TPM4: variants seen among roughly 807,000 people sequenced by gnomAD.
TPM4 encodes tropomyosin 4, also known as tropomyosin alpha-4 chain.
TPM4 carries 17 observed loss-of-function variants against 35.8 expected under a neutral mutation model. That is an observed-to-expected ratio of 0.47 (90% CI 0.32 to 0.71). The LOEUF (loss-of-function observed/expected upper bound fraction) is 0.71, where lower values mean the gene tolerates loss of function less well. Among genes scored for constraint, TPM4 ranks in the 30% least tolerant of loss-of-function variants. TPM4 has a pLI of 0.03. For missense variants in TPM4, 240 were observed against 320.9 expected (o/e 0.75, Z 1.93); for synonymous variants, 120 against 122.9 (o/e 0.98, Z 0.15).
rs370753747 is a variant in TPM4, at chr19:16,087,999, G to A, written c.385-28G>A. ...AGAGGACACGGCTGGTGGGGATCGG[G>A]CTCAGCTGGGCCTTTCTGTCTCTGC... On this transcript the variant is annotated intron_variant, in intron 3 of 7. Transcript: ENST00000643579. 3.5e-5 allele frequency: 56 copies of A among 1,595,588 alleles called. No homozygotes were observed. In the Middle Eastern group the frequency reaches 5.7e-3, roughly 164 times the overall value.
Position 16,093,017 on chromosome 19 carries a change from G to C in TPM4, c.532-519G>C, listed in dbSNP as rs138334229. 2.1e-4 allele frequency: 34 copies of C among 165,286 alleles called. 2 individuals carry two copies. The East Asian group carries it at 5.8e-3, about 28-fold the overall frequency. 10.2% of individuals were successfully genotyped at this position (165,286 alleles called of 1,614,324 possible). A position where few individuals can be genotyped will look rare whatever the true frequency, so the allele number is the denominator to read the frequency against. On this transcript the variant is annotated intron_variant, in intron 5 of 7. Coordinates refer to ENST00000643579, the MANE Select transcript of TPM4 (RefSeq NM_003290.3). ...CTACAGGTGCTCACCACCATGACTG[G>C]CTAATTTTTAAATTCTTTGTAGAGA...
intron 1 of TPM4, among the ~76,000 whole-genome samples, chr19:16,079,364 T>C (rs1027296933): frequency 3.7e-4 from 57 of 152,168 alleles, no homozygotes; most frequent in African/African-American, 1.3e-3. Context: ...GGTTGCAGAG[T>C]GTTTTTGCAA....
chr19:16,075,982 C>T (rs919099343), upstream of TPM4: 7 of 1,558,534 alleles, frequency 4.5e-6, no homozygotes, highest in Admixed American at 2.0e-5. Flanking sequence ...GGGGGGACCG[C>T]CCCTGCACCT....
intron 1 of TPM4, chr19:16,076,956 G>A: frequency 9.5e-6 from 6 of 633,656 alleles, no homozygotes; most frequent in Non-Finnish European, 1.3e-5. Context: ...GGGAAATGGG[G>A]GGATGGGGCG....
intron 4 of TPM4, chr19:16,088,443 G>T (rs528993391): frequency 1.8e-6 from 2 of 1,126,570 alleles, no homozygotes; most frequent in Non-Finnish European, 2.2e-6. Context: ...CAGAAGGCAG[G>T]CTCCCCCGGT....
At position 16,067,669 on chromosome 19, in the gene TPM4, G is replaced by A. The variant is rs369733761; in HGVS notation, c.45G>A (p.Lys15=). The change falls in exon 2 of 3, where the codon AAG becomes AAA. Residue 15 remains lysine, a synonymous_variant. Transcript: ENST00000589897. The surrounding 1 kb of genome is among the most constrained non-coding windows in gnomAD (Gnocchi z 4.1). ...AAATGCAGATGCTGAAGTTGGACAA[G>A]GAGAATGCCATCGACCGCGCGGAGC... is the stretch of plus-strand genomic sequence containing the variant. The A allele has an allele frequency of 1.4e-5, 22 of 1,613,632 alleles. No homozygotes were observed. The highest frequency in any genetic ancestry group is 1.8e-5 in the Non-Finnish European group (21 of 1,179,890).
At chr19:16,075,921 A>C, upstream of TPM4, 2 of 1,360,052 alleles carry the variant, frequency 1.5e-6, no homozygotes, top group Non-Finnish European at 9.8e-7. Context: ...CCTGTTCTAC[A>C]GATAAGGAAA....
intron 4 of TPM4, chr19:16,088,822 C>T (rs138416917): frequency 7.6e-7 from 1 of 1,324,042 alleles, no homozygotes; most frequent in Non-Finnish European, 9.7e-7. Flanking sequence ...CCTCCAAATA[C>T]TCTTCGGGCG....
Position 16,067,590 on chromosome 19 carries a change from C to G in TPM4, c.-35C>G. The G allele has an allele frequency of 6.3e-7, 1 of 1,593,472 alleles. No homozygotes were observed. Among genetic ancestry groups the G allele is most frequent in the Non-Finnish European group, 8.6e-7 (1 of 1,166,278 alleles). Reference sequence around the variant, plus strand: ...CTGCCGCAGCCCCCACAGAGCCCGCCGCGCACCCCACGTCCCCCACGCCAG... The same window carrying G: ...CTGCCGCAGCCCCCACAGAGCCCGCGGCGCACCCCACGTCCCCCACGCCAG... On this transcript the variant is annotated 5_prime_UTR_variant, in exon 2 of 3. Coordinates refer to the TPM4 transcript ENST00000589897. This position sits in a 1 kb window ranked among gnomAD's most constrained non-coding sequence, Gnocchi z 4.1.
At chr19:16,073,617 G>A (rs2090375424), upstream of TPM4, among the ~76,000 whole-genome samples, 1 of 152,098 alleles carries the variant, frequency 6.6e-6, no homozygotes, top group African/African-American at 2.4e-5. Flanking sequence ...TGGCCACCCT[G>A]GATTGGGCCC....
chr19:16,083,871 G>A (rs1015392582), intron 2 of TPM4, among the ~76,000 whole-genome samples: 17 of 146,936 alleles, frequency 1.2e-4, no homozygotes, highest in Non-Finnish European at 1.8e-4. Context: ...CGATCCTCCC[G>A]CCACGGCCTC....
chr19:16,101,799 G>A lies in TPM4; in HGVS notation c.*453G>A, dbSNP rs897732033. The stretch of plus-strand genomic sequence containing the variant: ...GGAGAGACCAGGGACCATCACATGG[G>A]TAGGGATTTTCCATCCAGAGCCAAT... On this transcript the variant is annotated 3_prime_UTR_variant, in exon 8 of 8. Transcript: ENST00000643579. The A allele has an allele frequency of 1.4e-4, 31 of 227,962 alleles. No homozygotes were observed. In the East Asian group the frequency reaches 2.0e-3, roughly 14 times the overall value. 14.1% of individuals were successfully genotyped at this position (227,962 alleles called of 1,614,324 possible). A position where few individuals can be genotyped will look rare whatever the true frequency, so the allele number is the denominator to read the frequency against.
intron 5 of TPM4, among the ~76,000 whole-genome samples, chr19:16,092,830 C>T (rs2090645049): frequency 6.6e-6 from 1 of 152,158 alleles, no homozygotes; most frequent in African/African-American, 2.4e-5. Context: ...GCCACCGTGC[C>T]TGGCCTGCTT....
intron 2 of TPM4, among the ~76,000 whole-genome samples, chr19:16,085,483 T>C (rs574660933): frequency 2.0e-5 from 3 of 151,102 alleles, no homozygotes; most frequent in African/African-American, 4.9e-5. Context: ...ACAGGATTGC[T>C]TGAGCCTGAG....
At chr19:16,090,618 C>T (rs943579919) in intron 5 of TPM4, among the ~76,000 whole-genome samples, 5 of 152,110 alleles carry the variant, frequency 3.3e-5, no homozygotes, top group Non-Finnish European at 5.9e-5. Flanking sequence ...GATTTCTCAT[C>T]TAGGTTAGGT....
intron 2 of TPM4, among the ~76,000 whole-genome samples, chr19:16,085,037 G>A (rs1271830222): frequency 6.6e-6 from 1 of 151,966 alleles, no homozygotes; most frequent in African/African-American, 2.4e-5. Flanking sequence ...GATCGCTTGA[G>A]CCCAGGAGTT....
At chr19:16,085,573 A>G (rs775728134) in intron 2 of TPM4, among the ~76,000 whole-genome samples, 111 of 152,174 alleles carry the variant, frequency 7.3e-4, no homozygotes, top group Non-Finnish European at 1.3e-3. Flanking sequence ...CTCTCAAAAT[A>G]AAAGAAAAAG....
At chr19:16,068,019 G>C (rs977791687) in intron 2 of TPM4, 5 of 469,422 alleles carry the variant, frequency 1.1e-5, no homozygotes, top group South Asian at 2.6e-5. Context: ...GTTCGTGAGC[G>C]AGGTGTCGTT....
intron 1 of TPM4, 121 bp downstream of exon 1, chr19:16,076,818 G>A: frequency 7.9e-7 from 1 of 1,260,720 alleles, no homozygotes; most frequent in South Asian, 2.6e-5. Flanking sequence ...TTACGCCCTC[G>A]GACGCCGATC....
Sources: gnomAD v4.1 joint callset for allele counts (sites outside exome capture counted in the v4.1 genomes callset) on GRCh38, gnomAD v4.1.1 for gene constraint, Gnocchi (gnomAD v3.1) non-coding constraint, MANE v1.5 for transcripts, NCBI Gene and HGNC (gene_info 2026-07-23, HGNC 2026-07-21) for gene names.